The following CTNNA3 variants were observed in gnomAD, a reference collection of about 807,000 sequenced individuals.
CTNNA3 encodes the protein catenin alpha-3.
In CTNNA3, 76 loss-of-function variants were observed where a neutral mutation model predicts 95.7. The observed-to-expected ratio is 0.79, with a 90% CI of 0.66 to 0.96. CTNNA3 has a LOEUF of 0.96. Ranked by LOEUF, CTNNA3 falls within the 40% of genes least tolerant of loss-of-function variation. The probability of loss-of-function intolerance (pLI) is 0.00; values close to 1 mark genes in which losing one functional copy is unlikely to be tolerated. For synonymous variants in CTNNA3, 431 were observed against 374.4 expected, an observed-to-expected ratio of 1.15 and a Z score of -1.74; for missense variants, 1,191 against 1,089.8, an observed-to-expected ratio of 1.09 and a Z score of -1.31.
At chr10:66,434,951 T>C (rs1240598954) in intron 11 of CTNNA3, among the ~76,000 whole-genome samples, 1 of 152,188 alleles carries the variant, frequency 6.6e-6, no homozygotes, top group Non-Finnish European at 1.5e-5. Flanking sequence ...ATTCCATTTA[T>C]TGATTTGCTT....
At chr10:66,188,728 G>T (rs1414495622) in intron 13 of CTNNA3, among the ~76,000 whole-genome samples, 1 of 151,524 alleles carries the variant, frequency 6.6e-6, no homozygotes, top group Non-Finnish European at 1.5e-5. Flanking sequence ...GAGAGTGTAG[G>T]TATCATTATG....
chr10:67,259,407 A>C (rs147299393), intron 5 of CTNNA3, among the ~76,000 whole-genome samples: 90 of 152,270 alleles, frequency 5.9e-4, no homozygotes, highest in Non-Finnish European at 1.1e-3. Context: ...ATATAATGCA[A>C]AAACAAACAA....
intron 7 of CTNNA3, among the ~76,000 whole-genome samples, chr10:67,178,340 C>A (rs1168879965): frequency 6.6e-6 from 1 of 151,546 alleles, no homozygotes; most frequent in Non-Finnish European, 1.5e-5. Flanking sequence ...CTATATGTCA[C>A]GAGACATATA....
chr10:67,001,323 G>GAAAAAAAA, intron 7 of CTNNA3, among the ~76,000 whole-genome samples: 1 of 147,166 alleles, frequency 6.8e-6, no homozygotes, highest in Non-Finnish European at 1.5e-5. Flanking sequence ...GAAAAAAAAA[G>GAAAAAAAA]AGAAAAAAAT....
chr10:67,559,032 C>T (rs1283512254), intron 3 of CTNNA3, among the ~76,000 whole-genome samples: 2 of 152,190 alleles, frequency 1.3e-5, no homozygotes, highest in Non-Finnish European at 2.9e-5. Context: ...GGCCTGCCTG[C>T]CTCTGTAGGC....
chr10:66,517,661 G>A (rs74678561), intron 11 of CTNNA3, among the ~76,000 whole-genome samples: 6,752 of 152,082 alleles, frequency 0.044, 463 homozygotes, highest in African/African-American at 0.15. Flanking sequence ...TCTCAGGGCT[G>A]CTCTGTTAAT....
intron 7 of CTNNA3, among the ~76,000 whole-genome samples, chr10:66,891,100 C>G (rs1194145273): frequency 6.6e-6 from 1 of 152,126 alleles, no homozygotes; most frequent in African/African-American, 2.4e-5. Flanking sequence ...ATCTTAGGAC[C>G]AGATAAGAAT....
chr10:66,048,896 A>T (rs1424140921), intron 15 of CTNNA3, among the ~76,000 whole-genome samples: 1 of 152,214 alleles, frequency 6.6e-6, no homozygotes, highest in African/African-American at 2.4e-5. Flanking sequence ...TTTCATGATG[A>T]AGACACCAAA....
chr10:66,562,287 C>T (rs1842577708), intron 10 of CTNNA3, among the ~76,000 whole-genome samples: 2 of 151,980 alleles, frequency 1.3e-5, no homozygotes, highest in Non-Finnish European at 2.9e-5. Flanking sequence ...CTCTTTAATC[C>T]TTATTTTAAT....
intron 7 of CTNNA3, among the ~76,000 whole-genome samples, chr10:67,166,067 T>C (rs1328057500): frequency 6.6e-6 from 1 of 152,152 alleles, no homozygotes; most frequent in Non-Finnish European, 1.5e-5. Flanking sequence ...GCACTTAAAA[T>C]TGCCAAGGAG....
chr10:66,414,131 T>C (rs1349012094), intron 11 of CTNNA3, among the ~76,000 whole-genome samples: 1 of 152,176 alleles, frequency 6.6e-6, no homozygotes, highest in Non-Finnish European at 1.5e-5. Flanking sequence ...CACTTAAATA[T>C]ATTAGTATGT....
At chr10:67,203,663 AT>A (rs1449060800) in intron 6 of CTNNA3, among the ~76,000 whole-genome samples, 4 of 152,298 alleles carry the variant, frequency 2.6e-5, no homozygotes, top group East Asian at 1.9e-4. Flanking sequence ...TATTATAAAA[AT>A]ATCTTGATTT....
chr10:66,544,596 T>C (rs189918127), intron 10 of CTNNA3, among the ~76,000 whole-genome samples: 5 of 152,256 alleles, frequency 3.3e-5, no homozygotes, highest in African/African-American at 1.2e-4. Flanking sequence ...TCTTGATTAT[T>C]CTGTGCCTTA....
chr10:67,685,179 C>A (rs1331507338), intron 1 of CTNNA3, among the ~76,000 whole-genome samples: 1 of 152,174 alleles, frequency 6.6e-6, no homozygotes, highest in African/African-American at 2.4e-5. Context: ...ACTCCGTTAA[C>A]TTTTAGCAAA....
intron 1 of CTNNA3, among the ~76,000 whole-genome samples, chr10:67,690,216 T>C (rs1194589392): frequency 1.3e-5 from 2 of 152,066 alleles, no homozygotes; most frequent in Non-Finnish European, 1.5e-5. Context: ...TCTGGAGTTG[T>C]TTGTTCCTCC....
At chr10:67,074,465 C>G (rs1182193818) in intron 7 of CTNNA3, among the ~76,000 whole-genome samples, 1 of 150,518 alleles carries the variant, frequency 6.6e-6, no homozygotes, top group Non-Finnish European at 1.5e-5. Context: ...ATTCTCCTGC[C>G]TCAGCCTCCC....
chr10:66,515,345 C>CTCTCTCTATATA (rs558913767), intron 11 of CTNNA3, among the ~76,000 whole-genome samples: 3,394 of 148,930 alleles, frequency 0.023, 69 homozygotes, highest in Middle Eastern at 0.038. Flanking sequence ...CTCTCTCTCT[C>CTCTCTCTATATA]TATATATATA....
intron 2 of CTNNA3, among the ~76,000 whole-genome samples, chr10:67,623,028 C>T (rs1843900374): frequency 1.3e-5 from 2 of 152,192 alleles, no homozygotes; most frequent in South Asian, 4.1e-4. Flanking sequence ...TACAAGAACA[C>T]TCTATGTGTG....
At chr10:65,980,420 C>T (rs2078293882) in intron 16 of CTNNA3, among the ~76,000 whole-genome samples, 1 of 151,596 alleles carries the variant, frequency 6.6e-6, no homozygotes, top group African/African-American at 2.4e-5. Context: ...GGAATTGATA[C>T]CAATCCGATT....
Sources: gnomAD v4.1 joint callset for allele counts (sites outside exome capture counted in the v4.1 genomes callset) on GRCh38, gnomAD v4.1.1 for gene constraint, MANE v1.5 for transcripts, NCBI Gene and HGNC (gene_info 2026-07-23, HGNC 2026-07-21) for gene names.